Variants in PEX7 observed in about 807,000 individuals in gnomAD.
PEX7 encodes PTS2 receptor.
In PEX7, 34 loss-of-function variants were observed where a neutral mutation model predicts 47.5. That is an observed-to-expected ratio of 0.72 (90% CI 0.54 to 0.95). PEX7 has a LOEUF of 0.95. PEX7 is among the 40% of genes least tolerant of loss of function. The pLI, the probability that PEX7 is intolerant of heterozygous loss-of-function variation, is 0.00. For synonymous variants in PEX7, 141 were observed against 148.8 expected (o/e 0.95, Z 0.38); for missense variants, 394 against 400.3 (o/e 0.98, Z 0.13).
intron 8 of PEX7, among the ~76,000 whole-genome samples, chr6:136,891,799 C>T (rs142626896): frequency 6.6e-4 from 101 of 152,242 alleles, no homozygotes; most frequent in African/African-American, 2.3e-3. Context: ...CACCACCATC[C>T]ATGCCTGGCT....
At chr6:136,856,021 G>C (rs1247363624) in intron 5 of PEX7, among the ~76,000 whole-genome samples, 1 of 152,110 alleles carries the variant, frequency 6.6e-6, no homozygotes, top group East Asian at 1.9e-4. Flanking sequence ...GGAATACATA[G>C]CATTGACTCT....
intron 9 of PEX7, among the ~76,000 whole-genome samples, chr6:136,902,223 T>C (rs1285707757): frequency 6.6e-6 from 1 of 152,260 alleles, no homozygotes; most frequent in Non-Finnish European, 1.5e-5. Flanking sequence ...TTAGTGTCTT[T>C]CCATCTGCTT....
At chr6:136,858,149 C>T (rs1774895725) in intron 5 of PEX7, among the ~76,000 whole-genome samples, 1 of 152,160 alleles carries the variant, frequency 6.6e-6, no homozygotes, top group South Asian at 2.1e-4. Flanking sequence ...AACACGTGTG[C>T]CCAGAATTCT....
chr6:136,898,289 C>A, intron 9 of PEX7, 48 bp downstream of exon 9: 2 of 1,121,964 alleles, frequency 1.8e-6, no homozygotes, highest in Non-Finnish European at 1.4e-6. Context: ...AGTTCACAGC[C>A]AACTCTGTGT....
intron 5 of PEX7, among the ~76,000 whole-genome samples, chr6:136,852,123 T>A (rs1398710856): frequency 7.0e-6 from 1 of 142,682 alleles, no homozygotes; most frequent in Non-Finnish European, 1.5e-5. Context: ...TCTAGGGTTT[T>A]TATGGTTTTA....
At chr6:136,880,704 A>T (rs1326769960) in intron 8 of PEX7, among the ~76,000 whole-genome samples, 1 of 151,764 alleles carries the variant, frequency 6.6e-6, no homozygotes, top group Non-Finnish European at 1.5e-5. Context: ...CATTGCCTAG[A>T]CTCTCCTCTC....
intron 9 of PEX7, among the ~76,000 whole-genome samples, chr6:136,907,624 G>GA (rs893171386): frequency 6.6e-6 from 1 of 151,072 alleles, no homozygotes; most frequent in African/African-American, 2.4e-5. Flanking sequence ...ACGAAATAGA[G>GA]AAAAAAAGGG....
At chr6:136,838,805 T>C (rs1474451704) in intron 3 of PEX7, among the ~76,000 whole-genome samples, 1 of 152,138 alleles carries the variant, frequency 6.6e-6, no homozygotes, top group Admixed American at 6.5e-5. Context: ...GGAAGGTGTG[T>C]AATGGGTGCC....
At chr6:136,852,194 G>A (rs1387022977) in intron 5 of PEX7, among the ~76,000 whole-genome samples, 2 of 151,862 alleles carry the variant, frequency 1.3e-5, no homozygotes, top group East Asian at 3.9e-4. Flanking sequence ...TGTAAGGAAG[G>A]GATCCAGTTT....
chr6:136,899,568 T>TG (rs1174680308), intron 9 of PEX7, among the ~76,000 whole-genome samples: 1 of 151,788 alleles, frequency 6.6e-6, no homozygotes, highest in Non-Finnish European at 1.5e-5. Context: ...TTAGTAGAGA[T>TG]GGGGTTTCAC....
At position 136,823,396 on chromosome 6, in the gene PEX7, C is replaced by G. The variant is rs1035603845; in HGVS notation, c.130+601C>G. The G allele has an allele frequency of 6.2e-6, 6 of 972,508 alleles. No homozygotes were observed. The African/African-American group carries it at 1.1e-4, about 17-fold the overall frequency. 60.2% of individuals were successfully genotyped at this position (972,508 alleles called of 1,614,324 possible). A position where few individuals can be genotyped will look rare whatever the true frequency, so the allele number is the denominator to read the frequency against. On this transcript the variant is annotated intron_variant, in intron 1 of 9. Transcript: ENST00000318471. ...CATTCGCAAGTAGGTGTTACAGACT[C>G]CAGTTAATTGTCTCCCGTCGCGCGC...
In PEX7 at chr6:136,913,606, A is replaced by G; in HGVS notation, c.*80A>G. On this transcript the variant is annotated 3_prime_UTR_variant, in exon 10 of 10. Coordinates refer to ENST00000318471, the MANE Select transcript of PEX7 (RefSeq NM_000288.4). The stretch of plus-strand genomic sequence containing the variant: ...CAAATAAATTAACTATGGAAAACAT[A>G]GACATTATGCTTTTATATGCTATTC... The G allele has an allele frequency of 1.1e-6, 1 of 948,264 alleles. No homozygotes were observed. The highest frequency in any genetic ancestry group is 1.7e-6 in the Non-Finnish European group (1 of 576,404). 58.7% of individuals were successfully genotyped at this position (948,264 alleles called of 1,614,324 possible). A position where few individuals can be genotyped will look rare whatever the true frequency, so the allele number is the denominator to read the frequency against.
chr6:136,903,724 G>A lies in PEX7; in HGVS notation c.903+5483G>A, dbSNP rs56240531. 1.3e-4 allele frequency among the ~76,000 whole-genome samples: 20 copies of A among 151,862 alleles called. No homozygotes were observed. The South Asian group carries it at 2.7e-3, about 21-fold the overall frequency. On this transcript the variant is annotated intron_variant, in intron 9 of 9. Transcript: ENST00000318471. The stretch of plus-strand genomic sequence containing the variant: ...CACACAGGCTGGAATGCAGTGGTAC[G>A]TCATGGCTCATTGTAGCTTCAACTT...
intron 5 of PEX7, among the ~76,000 whole-genome samples, chr6:136,860,680 GA>G (rs1774945314): frequency 3.9e-5 from 1 of 25,638 alleles, no homozygotes; most frequent in Admixed American, 4.0e-4. Context: ...AAAAAAAAAA[GA>G]AAGAAAGTGG....
chr6:136,898,047 T>C (rs1775682642), intron 8 of PEX7, 95 bp from the exon 9 acceptor site: 4 of 772,560 alleles, frequency 5.2e-6, no homozygotes, highest in Non-Finnish European at 9.1e-6. Flanking sequence ...CCTGTTTGGA[T>C]AAAATCTTTG....
intron 8 of PEX7, 115 bp downstream of exon 8, chr6:136,872,368 G>A: frequency 1.3e-6 from 1 of 781,346 alleles, no homozygotes; most frequent in Non-Finnish European, 2.1e-6. Flanking sequence ...ATCTGAGATG[G>A]GTACATTTAA....
intron 3 of PEX7, among the ~76,000 whole-genome samples, chr6:136,832,668 G>A (rs547234679): frequency 8.1e-4 from 124 of 152,206 alleles, no homozygotes; most frequent in Non-Finnish European, 1.4e-3. Flanking sequence ...AGAAACAACC[G>A]GGTCACTTCT....
intron 3 of PEX7, among the ~76,000 whole-genome samples, chr6:136,838,542 G>C (rs1302940669): frequency 6.6e-6 from 1 of 152,166 alleles, no homozygotes. Context: ...ATTCAAATAA[G>C]CCGACTGTAA....
chr6:136,822,941 C>G (rs1274101948), intron 1 of PEX7, 146 bp downstream of exon 1: 16 of 1,208,384 alleles, frequency 1.3e-5, no homozygotes, highest in Non-Finnish European at 1.3e-5. Flanking sequence ...AGGCGCTGGT[C>G]GGCGCTTCTC....
Sources: gnomAD v4.1 joint callset for allele counts (sites outside exome capture counted in the v4.1 genomes callset) on GRCh38, gnomAD v4.1.1 for gene constraint, MANE v1.5 for transcripts, NCBI Gene and HGNC (gene_info 2026-07-23, HGNC 2026-07-21) for gene names.